The following FHIT variants were observed in gnomAD, a reference collection of about 807,000 sequenced individuals.
FHIT encodes the protein fragile histidine triad diadenosine triphosphatase.
Under a neutral mutation model 17.9 loss-of-function variants are expected in FHIT, and 19 were observed. That is an observed-to-expected ratio of 1.06 (90% CI 0.74 to 1.56). The LOEUF (loss-of-function observed/expected upper bound fraction) is 1.56, where lower values mean the gene tolerates loss of function less well. FHIT is among the 40% of genes most tolerant of loss of function. The pLI is 0.00. For synonymous variants in FHIT, 81 were observed against 69.7 expected (o/e 1.16, Z -0.81); for missense variants, 248 against 189.2 (o/e 1.31, Z -1.82).
intron 8 of FHIT, among the ~76,000 whole-genome samples, chr3:59,837,113 C>T (rs1430113351): frequency 6.6e-6 from 1 of 152,146 alleles, no homozygotes; most frequent in Non-Finnish European, 1.5e-5. Context: ...CTCCATCTGG[C>T]AATTCTCAGA....
chr3:60,047,609 A>G lies in FHIT; in HGVS notation c.104-33457T>C, dbSNP rs141365052. 2.2e-3 allele frequency among the ~76,000 whole-genome samples: 340 copies of G among 152,354 alleles called. 1 individual carries two copies. Among genetic ancestry groups the G allele is most frequent in the African/African-American group, 7.6e-3 (318 of 41,578 alleles). On this transcript the variant is annotated intron_variant, in intron 5 of 9. Transcript: ENST00000492590. The stretch of plus-strand genomic sequence containing the variant: ...CCCTGGTTCCTCAGGTGCATTAGGC[A>G]TATGTGAGCAGTGAAACTATGACAA...
At chr3:60,294,114 G>C (rs1708102182) in intron 5 of FHIT, among the ~76,000 whole-genome samples, 1 of 152,106 alleles carries the variant, frequency 6.6e-6, no homozygotes, top group Admixed American at 6.6e-5. Context: ...GTCGAAGAGG[G>C]AATCTACAGG....
At chr3:60,613,795 C>G (rs978528801) in intron 4 of FHIT, among the ~76,000 whole-genome samples, 1 of 152,082 alleles carries the variant, frequency 6.6e-6, no homozygotes, top group African/African-American at 2.4e-5. Flanking sequence ...AGTAGCTTCT[C>G]CCCATGCAAC....
intron 8 of FHIT, among the ~76,000 whole-genome samples, chr3:59,916,427 G>T (rs1445125462): frequency 1.3e-5 from 2 of 152,042 alleles, no homozygotes; most frequent in Non-Finnish European, 2.9e-5. Context: ...CTATTGTGGG[G>T]CTTCACCTTG....
chr3:60,512,350 G>T (rs574053063), intron 5 of FHIT, among the ~76,000 whole-genome samples: 10 of 152,134 alleles, frequency 6.6e-5, no homozygotes, highest in Non-Finnish European at 1.3e-4. Context: ...ATCTCTAAGT[G>T]CCAATTAAGC....
At chr3:60,686,814 G>T (rs1006039104) in intron 4 of FHIT, among the ~76,000 whole-genome samples, 25 of 152,124 alleles carry the variant, frequency 1.6e-4, no homozygotes, top group Non-Finnish European at 2.8e-4. Context: ...AGGAGTTTCA[G>T]CCACTCTGTG....
intron 4 of FHIT, among the ~76,000 whole-genome samples, chr3:60,723,055 C>T (rs111589607): frequency 6.6e-6 from 1 of 152,086 alleles, no homozygotes; most frequent in African/African-American, 2.4e-5. Context: ...TTCTGGGCAT[C>T]GGGAGGAAAA....
chr3:59,841,109 T>C (rs1701518489), intron 8 of FHIT, among the ~76,000 whole-genome samples: 1 of 152,200 alleles, frequency 6.6e-6, no homozygotes, highest in South Asian at 2.1e-4. Context: ...GCTACATTCT[T>C]GGCAGAGTCC....
At chr3:59,913,629 T>C (rs1704989960) in intron 8 of FHIT, among the ~76,000 whole-genome samples, 1 of 152,184 alleles carries the variant, frequency 6.6e-6, no homozygotes, top group Non-Finnish European at 1.5e-5. Flanking sequence ...GTATTCTCAA[T>C]GACAATAATA....
intron 5 of FHIT, among the ~76,000 whole-genome samples, chr3:60,354,192 C>CAATTATT (rs1280515649): frequency 6.6e-6 from 1 of 151,582 alleles, no homozygotes; most frequent in Non-Finnish European, 1.5e-5. Flanking sequence ...GTTTAAAATA[C>CAATTATT]AATTATTTTA....
intron 2 of FHIT, among the ~76,000 whole-genome samples, chr3:61,062,546 AAG>A (rs1455773256): frequency 2.0e-5 from 3 of 152,344 alleles, no homozygotes; most frequent in East Asian, 3.9e-4. Context: ...AGAATAAAAA[AAG>A]AGTTTTTGGT....
chr3:60,522,060 T>C (rs901034078), intron 5 of FHIT, among the ~76,000 whole-genome samples: 10 of 151,476 alleles, frequency 6.6e-5, no homozygotes, highest in African/African-American at 2.2e-4. Flanking sequence ...GTCAGAGGAA[T>C]GTCAGATTTT....
intron 4 of FHIT, among the ~76,000 whole-genome samples, chr3:60,574,494 G>A (rs912193050): frequency 1.3e-4 from 20 of 152,010 alleles, no homozygotes; most frequent in East Asian, 7.8e-4. Flanking sequence ...CAGGCACTAC[G>A]AGCTTAGACG....
chr3:59,830,887 G>A (rs1015591470), intron 8 of FHIT, among the ~76,000 whole-genome samples: 1 of 152,192 alleles, frequency 6.6e-6, no homozygotes, highest in Non-Finnish European at 1.5e-5. Flanking sequence ...GTGGACTCAA[G>A]GCTGACTGCT....
chr3:60,744,403 ATGGAT>A (rs1553714802), intron 4 of FHIT, among the ~76,000 whole-genome samples: 1 of 152,092 alleles, frequency 6.6e-6, no homozygotes, highest in African/African-American at 2.4e-5. Flanking sequence ...ACTAATTGGG[ATGGAT>A]CAGTGAAAAC....
intron 8 of FHIT, among the ~76,000 whole-genome samples, chr3:59,855,004 A>G (rs1702094388): frequency 6.6e-6 from 1 of 152,222 alleles, no homozygotes; most frequent in African/African-American, 2.4e-5. Context: ...TTGCCTTTCC[A>G]AAACTCATAT....
intron 3 of FHIT, among the ~76,000 whole-genome samples, chr3:60,905,850 AT>A (rs1553764396): frequency 6.6e-6 from 1 of 152,222 alleles, no homozygotes; most frequent in Non-Finnish European, 1.5e-5. Context: ...GTGAGTAAAA[AT>A]GGAGCTGGAA....
chr3:59,868,789 T>A (rs1702775936), intron 8 of FHIT, among the ~76,000 whole-genome samples: 1 of 152,158 alleles, frequency 6.6e-6, no homozygotes, highest in South Asian at 2.1e-4. Context: ...TTTTAACCAT[T>A]TGTAGGTCTA....
chr3:60,262,909 G>A (rs562088601), intron 5 of FHIT, among the ~76,000 whole-genome samples: 2 of 151,534 alleles, frequency 1.3e-5, no homozygotes, highest in East Asian at 1.9e-4. Context: ...TCTTTGAAAG[G>A]CACAGTTTAG....
Sources: gnomAD v4.1 joint callset for allele counts (sites outside exome capture counted in the v4.1 genomes callset) on GRCh38, gnomAD v4.1.1 for gene constraint, MANE v1.5 for transcripts, NCBI Gene and HGNC (gene_info 2026-07-23, HGNC 2026-07-21) for gene names.